The following USP36 variants were observed in gnomAD, a reference collection of about 807,000 sequenced individuals.
USP36 encodes the protein ubiquitin specific peptidase 36.
Under a neutral mutation model 111.5 loss-of-function variants are expected in USP36, and 59 were observed. That is an observed-to-expected ratio of 0.53 (90% CI 0.43 to 0.66). The LOEUF is 0.66. USP36 is among the 30% of genes least tolerant of loss of function. The probability of loss-of-function intolerance (pLI) is 0.00; values close to 1 mark genes in which losing one functional copy is unlikely to be tolerated. For missense variants in USP36, 1,488 were observed against 1,468.0 expected (o/e 1.01, Z -0.22); for synonymous variants, 628 against 581.0 (o/e 1.08, Z -1.16).
In USP36 at chr17:78,807,355, T is replaced by A. The variant is rs2093934579; in HGVS notation, c.1689A>T (p.Arg563Ser). ...LPGTSNSNSS[R>S]SGSQRQGSWD... ...AGGAGCCCTGCCTTTGGCTCCCAGA[T>A]CTGCTGCTATTCGAGTTGCTGGTCC... The change falls in exon 14 of 21, where the codon AGA becomes AGT. Residue 563 changes from arginine to serine, a missense_variant. Arg to Ser is a moderately radical substitution (Grantham distance 110, BLOSUM62 -1). Transcript: ENST00000449938. The A allele has an allele frequency of 6.2e-7, 1 of 1,614,062 alleles. No individual in the cohort carries two copies. Among genetic ancestry groups the A allele is most frequent in the Non-Finnish European group, 8.5e-7 (1 of 1,180,036 alleles).
At chr17:78,824,203 G>A (rs1047131157) in intron 6 of USP36, among the ~76,000 whole-genome samples, 3 of 152,352 alleles carry the variant, frequency 2.0e-5, no homozygotes, top group South Asian at 2.1e-4. Context: ...ATGGGAAGAT[G>A]TAACCATAAC....
intron 2 of USP36, among the ~76,000 whole-genome samples, chr17:78,838,086 AC>A (rs991616754): frequency 6.6e-6 from 1 of 151,954 alleles, no homozygotes; most frequent in Non-Finnish European, 1.5e-5. Flanking sequence ...ACATCGTGAG[AC>A]CCCATCTTTA....
At chr17:78,817,058 A>G (rs1320024654) in intron 10 of USP36, among the ~76,000 whole-genome samples, 2 of 152,224 alleles carry the variant, frequency 1.3e-5, no homozygotes, top group African/African-American at 2.4e-5. Context: ...CCATAAGATT[A>G]TAATACTGCA....
At chr17:78,821,387 A>AATATGT (rs2094315734) in intron 7 of USP36, 1 of 54,788 alleles carries the variant, frequency 1.8e-5, no homozygotes, top group Admixed American at 2.5e-4. Context: ...TCCTAATGAG[A>AATATGT]ATATATATAT....
intron 6 of USP36, among the ~76,000 whole-genome samples, chr17:78,824,155 C>T (rs558241301): frequency 3.2e-4 from 49 of 152,300 alleles, no homozygotes; most frequent in African/African-American, 1.2e-3. Context: ...CAGCCAGGAG[C>T]GCACCAGAGG....
At chr17:78,834,240 C>CAA (rs1195033926) in intron 4 of USP36, among the ~76,000 whole-genome samples, 10 of 126,088 alleles carry the variant, frequency 7.9e-5, no homozygotes, top group East Asian at 2.3e-4. Context: ...GAGTCCGTCT[C>CAA]AAAAAAAAAA....
At chr17:78,808,426 A>G (rs1599008065) in intron 13 of USP36, among the ~76,000 whole-genome samples, 1 of 152,016 alleles carries the variant, frequency 6.6e-6, no homozygotes, top group Admixed American at 6.5e-5. Context: ...AATTATTACT[A>G]TTTTGTAGAG....
chr17:78,818,874 T>C (rs1458358541), intron 9 of USP36, 96 bp from the exon 10 acceptor site: 2 of 1,235,720 alleles, frequency 1.6e-6, no homozygotes, highest in African/African-American at 1.5e-5. Flanking sequence ...ACAACTGCTC[T>C]GTAATAGTGG....
Position 78,813,862 on chromosome 17 carries a change from T to C in USP36, c.1176A>G (p.Gly392=). 1 of 1,614,154 alleles carries C rather than the reference T, an allele frequency of 6.2e-7. No individual in the cohort carries two copies. Among genetic ancestry groups the C allele is most frequent in the Non-Finnish European group, 8.5e-7 (1 of 1,180,006 alleles). Residue 392 remains glycine, a synonymous_variant, in exon 12 of 21, where the codon GGA becomes GGG. Transcript: ENST00000449938. Reference sequence around the variant, plus strand: ...AGGAATCATTCATCTGGTACCACTGTCCATTGCTTGCCTGAAGCAGCCAAG... The same window carrying C: ...AGGAATCATTCATCTGGTACCACTGCCCATTGCTTGCCTGAAGCAGCCAAG... The part of the protein sequence containing the change: ...HYYCYVKASN[G]QWYQMNDSLV...
Position 78,798,644 on chromosome 17 carries a change from CGGGCTCTCAT to C in USP36, c.3241-103_3241-94del, listed in dbSNP as rs1356862640. On this transcript the variant is annotated intron_variant, in intron 19 of 20. Coordinates refer to ENST00000449938, the MANE Select transcript of USP36 (RefSeq NM_001385174.1). This position sits in a 1 kb window ranked among gnomAD's most constrained non-coding sequence, Gnocchi z 5.1. Reference sequence around the variant, plus strand: ...CTGCATGCAGGTCCTGCACACAGGCCGGGCTCTCATGAGCTCTCTGGAGACCCACTCTTCA... The same window carrying C: ...CTGCATGCAGGTCCTGCACACAGGCCGAGCTCTCTGGAGACCCACTCTTCA... 19 of 1,573,940 alleles carry C rather than the reference CGGGCTCTCAT, an allele frequency of 1.2e-5. No homozygotes were observed. Among genetic ancestry groups the C allele is most frequent in the Admixed American group, 1.7e-5 (1 of 57,544 alleles).
intron 4 of USP36, among the ~76,000 whole-genome samples, chr17:78,830,515 C>T (rs1025885350): frequency 3.9e-5 from 6 of 152,192 alleles, no homozygotes; most frequent in East Asian, 1.9e-4. Flanking sequence ...CTAAAGTACA[C>T]GCTCAGAAGA....
intron 13 of USP36, among the ~76,000 whole-genome samples, chr17:78,808,861 A>G (rs892312375): frequency 6.6e-6 from 1 of 152,068 alleles, no homozygotes; most frequent in Non-Finnish European, 1.5e-5. Flanking sequence ...CGGTGCTTAA[A>G]AAATATTTGT....
At chr17:78,830,861 G>C (rs2068018996) in intron 4 of USP36, among the ~76,000 whole-genome samples, 1 of 151,696 alleles carries the variant, frequency 6.6e-6, no homozygotes, top group Non-Finnish European at 1.5e-5. Context: ...CTATATCCAT[G>C]TTATTACTTT....
downstream of USP36, among the ~76,000 whole-genome samples, chr17:78,792,655 A>G (rs2093592622): frequency 1.3e-5 from 2 of 152,100 alleles, no homozygotes; most frequent in South Asian, 4.1e-4. Context: ...TGAGTTTGAG[A>G]CCAGGGACCA....
rs1426540879 is a variant in USP36 at position 78,816,745 on chromosome 17, G to A, written c.1023+1922C>T. Among the ~76,000 whole-genome samples, 6 of 152,252 alleles carry A rather than the reference G, an allele frequency of 3.9e-5. 1 individual carries two copies. In the South Asian group the frequency reaches 1.0e-3, roughly 26 times the overall value. Reference sequence around the variant, plus strand: ...TCCCACCTCAGCCTCCCTAAGTGCTGACATTAGAGTTGTGAGCCATTGTGC... The same window carrying A: ...TCCCACCTCAGCCTCCCTAAGTGCTAACATTAGAGTTGTGAGCCATTGTGC... On this transcript the variant is annotated intron_variant, in intron 10 of 20. Transcript: ENST00000449938.
In USP36 at chr17:78,795,711, C is replaced by T. The variant is rs1282213618; in HGVS notation, c.*2189G>A. ...TTGGCAACACGTGGGGCTCCCCAGG[C>T]CCCCGGAAAGGAGGTGCAGAGGATG... On this transcript the variant is annotated 3_prime_UTR_variant, in exon 21 of 21. Coordinates refer to ENST00000449938, the MANE Select transcript of USP36 (RefSeq NM_001385174.1). This position sits in a 1 kb window ranked among gnomAD's most constrained non-coding sequence, Gnocchi z 4.5. 6.6e-6 allele frequency: 1 copy of T among 152,216 alleles called. No homozygotes were observed. The highest frequency in any genetic ancestry group is 2.4e-5 in the African/African-American group (1 of 41,438). 9.4% of individuals were successfully genotyped at this position (152,216 alleles called of 1,614,324 possible).
intron 2 of USP36, among the ~76,000 whole-genome samples, chr17:78,837,802 C>A (rs563493220): frequency 6.6e-6 from 1 of 152,342 alleles, no homozygotes; most frequent in Non-Finnish European, 1.5e-5. Context: ...GTCAAGTGTG[C>A]CCCAAAATTC....
chr17:78,826,941 T>C (rs2067597637), intron 6 of USP36: 1 of 603,302 alleles, frequency 1.7e-6, no homozygotes, highest in Non-Finnish European at 3.0e-6. Context: ...TAAGAAGGTC[T>C]GCTAACATAT....
At chr17:78,836,494 T>C (rs1463620977) in intron 2 of USP36, 122 bp from the exon 3 acceptor site, 3 of 1,306,386 alleles carry the variant, frequency 2.3e-6, no homozygotes, top group East Asian at 4.9e-5. Flanking sequence ...CCTGGATCAG[T>C]GATCCCCTGG....
Sources: allele counts gnomAD v4.1 joint callset (sites outside exome capture counted in the v4.1 genomes callset), GRCh38; gene constraint gnomAD v4.1.1; non-coding constraint Gnocchi (gnomAD v3.1); transcripts MANE v1.5; gene names NCBI Gene and HGNC (gene_info 2026-07-23, HGNC 2026-07-21).